The following PDZD2 variants were observed in gnomAD, a reference collection of about 807,000 sequenced individuals.
PDZD2 encodes PDZ domain-containing protein 2.
Under a neutral mutation model 220.7 loss-of-function variants are expected in PDZD2, and 90 were observed. The ratio of observed to expected loss-of-function variants is 0.41; its 90% CI spans 0.34 to 0.49. The LOEUF is 0.49. PDZD2 is among the 20% of genes least tolerant of loss of function. PDZD2 has a pLI of 0.28. For missense variants in PDZD2, 3,174 were observed against 3,608.5 expected, an observed-to-expected ratio of 0.88 and a Z score of 3.08; for synonymous variants, 1,375 against 1,450.5, an observed-to-expected ratio of 0.95 and a Z score of 1.18.
rs547201375 is a variant in PDZD2 at position 31,972,310 on chromosome 5, C to T, written c.477-10845C>T. 2.0e-5 allele frequency among the ~76,000 whole-genome samples: 3 copies of T among 152,250 alleles called. No individual in the cohort carries two copies. The East Asian group carries it at 5.8e-4, about 29-fold the overall frequency. On this transcript the variant is annotated intron_variant, in intron 2 of 24. Transcript: ENST00000438447. ...TGTATTTTTTATAGACATGGGGTCTCACCATGTTGCCTAGGCTGATCTTGA... is the reference window on the plus strand; with the variant it reads ...TGTATTTTTTATAGACATGGGGTCTTACCATGTTGCCTAGGCTGATCTTGA...
intron 1 of PDZD2, among the ~76,000 whole-genome samples, chr5:31,647,090 G>GC (rs1157932384): frequency 1.3e-5 from 2 of 152,110 alleles, no homozygotes; most frequent in Non-Finnish European, 2.9e-5. Flanking sequence ...GATGCACACG[G>GC]CCCCTGAGCA....
chr5:31,938,181 G>C (rs1307778488), intron 2 of PDZD2, among the ~76,000 whole-genome samples: 2 of 152,172 alleles, frequency 1.3e-5, no homozygotes, highest in Admixed American at 1.3e-4. Context: ...CAAAGTGCTA[G>C]GATTACAGGT....
intron 2 of PDZD2, among the ~76,000 whole-genome samples, chr5:31,897,253 G>A (rs1741653337): frequency 6.6e-6 from 1 of 152,168 alleles, no homozygotes; most frequent in African/African-American, 2.4e-5. Flanking sequence ...ATGTCAGGCT[G>A]ATGGGGAAGA....
intron 2 of PDZD2, among the ~76,000 whole-genome samples, chr5:31,979,446 G>C (rs186132253): frequency 4.3e-4 from 65 of 152,108 alleles, no homozygotes; most frequent in African/African-American, 1.5e-3. Flanking sequence ...CGGGCATGGT[G>C]GTGGGCACCT....
At chr5:31,933,848 C>G (rs1745501945) in intron 2 of PDZD2, among the ~76,000 whole-genome samples, 1 of 152,218 alleles carries the variant, frequency 6.6e-6, no homozygotes, top group Admixed American at 6.5e-5. Flanking sequence ...GACCAAGGAA[C>G]CAAGGTGGAC....
At chr5:31,831,904 A>G (rs1217209541) in intron 2 of PDZD2, among the ~76,000 whole-genome samples, 1 of 107,368 alleles carries the variant, frequency 9.3e-6, no homozygotes, top group Non-Finnish European at 1.8e-5. Flanking sequence ...ACAGAGTGAG[A>G]CTGTTTCAAA....
chr5:31,890,610 T>C (rs556458240), intron 2 of PDZD2, among the ~76,000 whole-genome samples: 1 of 152,306 alleles, frequency 6.6e-6, no homozygotes, highest in South Asian at 2.1e-4. Flanking sequence ...CTAGTACTAC[T>C]TAGCAGGGGA....
rs185119101 is a variant in PDZD2 at position 31,969,567 on chromosome 5, G to A, written c.477-13588G>A. Among the ~76,000 whole-genome samples, 173 of 138,970 alleles carry A rather than the reference G, an allele frequency of 1.2e-3. 2 individuals carry two copies. Among genetic ancestry groups the A allele is most frequent in the African/African-American group, 4.6e-3 (171 of 37,074 alleles). The allele number at this position is 138,970 out of a possible 152,430, so 91.2% of individuals were successfully genotyped here. On this transcript the variant is annotated intron_variant, in intron 2 of 24. Transcript: ENST00000438447. ...ATATGTTCTCACAAATTGAGATTTT[G>A]TAGGGGGTAAGTGGCTCTAGAGATA...
At chr5:31,672,313 A>G (rs540317407) in intron 1 of PDZD2, among the ~76,000 whole-genome samples, 83 of 152,288 alleles carry the variant, frequency 5.5e-4, no homozygotes, top group African/African-American at 1.9e-3. Context: ...CAAAGCTGCT[A>G]CAGCCAATTG....
intron 2 of PDZD2, among the ~76,000 whole-genome samples, chr5:31,881,368 GTATA>G (rs1235523162): frequency 5.3e-4 from 44 of 83,446 alleles, no homozygotes; most frequent in African/African-American, 1.9e-3. Flanking sequence ...GTGTGTGTGT[GTATA>G]TATTTTTTTT....
At chr5:31,801,064 G>GTGGA (rs1213576027) in intron 2 of PDZD2, among the ~76,000 whole-genome samples, 1 of 152,218 alleles carries the variant, frequency 6.6e-6, no homozygotes, top group Non-Finnish European at 1.5e-5. Flanking sequence ...AAAGTGCAGG[G>GTGGA]TGGAGAAGAA....
intron 15 of PDZD2, among the ~76,000 whole-genome samples, chr5:32,071,138 T>C (rs775073745): frequency 1.1e-4 from 16 of 152,186 alleles, no homozygotes; most frequent in African/African-American, 1.7e-4. Context: ...TACTTCTAAC[T>C]GGGATCATCA....
chr5:31,730,661 T>C (rs575463586), intron 1 of PDZD2, among the ~76,000 whole-genome samples: 1 of 148,790 alleles, frequency 6.7e-6, no homozygotes, highest in Admixed American at 6.8e-5. Flanking sequence ...AGCTACAGAG[T>C]CCTCCCACAC....
intron 1 of PDZD2, among the ~76,000 whole-genome samples, chr5:31,661,767 T>C (rs1479570197): frequency 6.7e-6 from 1 of 149,488 alleles, no homozygotes; most frequent in Non-Finnish European, 1.5e-5. Context: ...TAGATAGAAA[T>C]AAGTAGTTCC....
chr5:32,012,812 T>C (rs1224356916), intron 6 of PDZD2, among the ~76,000 whole-genome samples: 2 of 151,838 alleles, frequency 1.3e-5, no homozygotes, highest in African/African-American at 4.8e-5. Flanking sequence ...ATATTAAATA[T>C]ATTACATGTT....
Position 31,748,554 on chromosome 5 carries a change from G to A in PDZD2, c.-360-50335G>A, listed in dbSNP as rs924035699. Among the ~76,000 whole-genome samples, 8 of 152,148 alleles carry A rather than the reference G, an allele frequency of 5.3e-5. No individual in the cohort carries two copies. In the East Asian group the frequency reaches 5.8e-4, roughly 11 times the overall value. On this transcript the variant is annotated intron_variant, in intron 1 of 24. Transcript: ENST00000438447. ...AGAAGGCAGGATGGGTCTTTCTGAC[G>A]CCCCCAGCAGCAGAAGCTGTGGGGT...
At chr5:31,884,259 A>ATCCATCCATCCATC (rs1740220595) in intron 2 of PDZD2, among the ~76,000 whole-genome samples, 2 of 151,562 alleles carry the variant, frequency 1.3e-5, no homozygotes, top group African/African-American at 4.8e-5. Context: ...ATACATACAT[A>ATCCATCCATCCATC]CATCCTGGGT....
chr5:31,737,017 A>T (rs1749902165), intron 1 of PDZD2, among the ~76,000 whole-genome samples: 1 of 152,064 alleles, frequency 6.6e-6, no homozygotes, highest in Non-Finnish European at 1.5e-5. Context: ...CAGCCTGCAG[A>T]ATCATGAGCC....
intron 1 of PDZD2, among the ~76,000 whole-genome samples, chr5:31,684,606 A>G (rs1397487403): frequency 2.0e-5 from 3 of 152,070 alleles, no homozygotes; most frequent in African/African-American, 7.2e-5. Flanking sequence ...TCGCTCTGCA[A>G]ACTAAAACCC....
Sources: allele counts gnomAD v4.1 joint callset (sites outside exome capture counted in the v4.1 genomes callset), GRCh38; gene constraint gnomAD v4.1.1; transcripts MANE v1.5; gene names NCBI Gene and HGNC (gene_info 2026-07-23, HGNC 2026-07-21).